TNFRSF19: variants seen among roughly 807,000 people sequenced by gnomAD.
TNFRSF19 encodes the protein TNF receptor superfamily member 19.
A neutral mutation model predicts 46.4 loss-of-function variants in TNFRSF19; 27 were observed. That is an observed-to-expected ratio of 0.58 (90% CI 0.43 to 0.80). The LOEUF is 0.80. Ranked by LOEUF, TNFRSF19 falls within the 30% of genes least tolerant of loss-of-function variation. TNFRSF19 has a pLI of 0.00. For synonymous variants in TNFRSF19, 204 were observed against 205.0 expected (o/e 1.00, Z 0.04); for missense variants, 511 against 530.8 (o/e 0.96, Z 0.37).
intron 5 of TNFRSF19, among the ~76,000 whole-genome samples, chr13:23,632,220 C>T (rs1229591156): frequency 6.6e-6 from 1 of 152,184 alleles, no homozygotes; most frequent in Non-Finnish European, 1.5e-5. Flanking sequence ...GCCAGGGGAT[C>T]ACTGGCACAG....
At chr13:23,613,909 A>G (rs1419588480) in intron 3 of TNFRSF19, among the ~76,000 whole-genome samples, 1 of 152,220 alleles carries the variant, frequency 6.6e-6, no homozygotes, top group Non-Finnish European at 1.5e-5. Context: ...TTGAATATGC[A>G]TCTTTATTGT....
chr13:23,618,030 G>C (rs1487895411), intron 4 of TNFRSF19, among the ~76,000 whole-genome samples: 1 of 152,170 alleles, frequency 6.6e-6, no homozygotes, highest in Non-Finnish European at 1.5e-5. Flanking sequence ...GTAGAAAATA[G>C]ACTAGTGGGT....
chr13:23,589,162 C>T (rs138672730), intron 1 of TNFRSF19, among the ~76,000 whole-genome samples: 9 of 152,138 alleles, frequency 5.9e-5, no homozygotes, highest in African/African-American at 2.2e-4. Context: ...AACAGAACCG[C>T]TGTTTCTCTA....
chr13:23,618,823 G>T (rs1881474217), intron 4 of TNFRSF19, among the ~76,000 whole-genome samples: 1 of 152,150 alleles, frequency 6.6e-6, no homozygotes, highest in African/African-American at 2.4e-5. Context: ...ATATTAAGAG[G>T]TGGGGCCTTT....
At chr13:23,654,487 C>T (rs1037668033) in intron 5 of TNFRSF19, among the ~76,000 whole-genome samples, 4 of 152,138 alleles carry the variant, frequency 2.6e-5, no homozygotes, top group Non-Finnish European at 5.9e-5. Context: ...GGACCCCGAA[C>T]ATCTCTGTGG....
At chr13:23,627,757 G>A (rs1050181372) in intron 5 of TNFRSF19, among the ~76,000 whole-genome samples, 1 of 152,156 alleles carries the variant, frequency 6.6e-6, no homozygotes, top group Non-Finnish European at 1.5e-5. Flanking sequence ...TTTTGCTATG[G>A]TAAAAGTCCC....
chr13:23,575,583 T>A (rs1877901992), intron 1 of TNFRSF19, among the ~76,000 whole-genome samples: 2 of 152,224 alleles, frequency 1.3e-5, no homozygotes, highest in African/African-American at 4.8e-5. Flanking sequence ...CTCCTCCACT[T>A]ATTTTCTTAA....
rs759200699 is a variant in TNFRSF19 at position 23,659,139 on chromosome 13, G to A, written c.535G>A (p.Ala179Thr). 6.2e-7 allele frequency: 1 copy of A among 1,614,114 alleles called. No individual in the cohort carries two copies. The highest frequency in any genetic ancestry group is 2.2e-5 in the East Asian group (1 of 44,888). The part of the protein sequence containing the change: ...ALAAVICSAL[A>T]TVLLALLILC... ...GGCTGCCGTTATCTGCAGCGCTCTG[G>A]CCACCGTCCTGCTGGCCCTGCTCAT... The change falls in exon 6 of 10, where the codon GCC (alanine) becomes ACC (threonine). Residue 179 changes from alanine (A) to threonine (T), a missense_variant. Physicochemically the swap from Ala to Thr is moderately conservative, Grantham distance 58 (BLOSUM62 0). Around this residue, in one of 3 missense-constraint regions of TNFRSF19, gnomAD observed 376 missense variants for 372.7 expected, o/e 1.01. Coordinates refer to ENST00000248484, the MANE Select transcript of TNFRSF19 (RefSeq NM_148957.4). This position sits in a 1 kb window ranked among gnomAD's most constrained non-coding sequence, Gnocchi z 4.9.
intron 5 of TNFRSF19, among the ~76,000 whole-genome samples, chr13:23,648,449 G>A (rs1483790320): frequency 3.3e-5 from 5 of 152,132 alleles, no homozygotes; most frequent in Admixed American, 6.5e-5. Flanking sequence ...ATCCTGCAAT[G>A]TTGCTGAATT....
Position 23,586,245 on chromosome 13 carries a change from G to A in TNFRSF19, c.-34-3905G>A, listed in dbSNP as rs578016859. 8.4e-5 allele frequency among the ~76,000 whole-genome samples: 11 copies of A among 130,914 alleles called. No individual in the cohort carries two copies. In the South Asian group the frequency reaches 1.8e-3, roughly 21 times the overall value. The allele number at this position is 130,914 out of a possible 152,430, so 85.9% of individuals were successfully genotyped here. A position where few individuals can be genotyped will look rare whatever the true frequency, so the allele number is the denominator to read the frequency against. Reference sequence around the variant, plus strand: ...TGCACTCCAGCCTGGGTGACAGAGCGAGACTCCGTCTCAAAAAAAAAAAAA... The same window carrying A: ...TGCACTCCAGCCTGGGTGACAGAGCAAGACTCCGTCTCAAAAAAAAAAAAA... On this transcript the variant is annotated intron_variant, in intron 1 of 9. Coordinates refer to ENST00000248484, the MANE Select transcript of TNFRSF19 (RefSeq NM_148957.4).
intron 9 of TNFRSF19, 50 bp from the exon 10 acceptor site, chr13:23,673,322 T>C (rs1178365135): frequency 2.4e-5 from 38 of 1,573,250 alleles, no homozygotes; most frequent in Non-Finnish European, 3.3e-5. Flanking sequence ...TTTAGCAGAT[T>C]TAACTTGTAA....
chr13:23,594,603 A>G (rs4770465), intron 3 of TNFRSF19, among the ~76,000 whole-genome samples: 45,067 of 152,170 alleles, frequency 0.3, 6,796 homozygotes, highest in South Asian at 0.34. Context: ...AAAGAAAGGC[A>G]GCAGCCCCAG....
intron 4 of TNFRSF19, among the ~76,000 whole-genome samples, chr13:23,617,672 G>C (rs575183361): frequency 1.3e-5 from 2 of 152,344 alleles, no homozygotes; most frequent in East Asian, 1.9e-4. Flanking sequence ...ACCAGAAACT[G>C]CATTGCAGGG....
intron 5 of TNFRSF19, among the ~76,000 whole-genome samples, chr13:23,632,538 C>G (rs898725075): frequency 1.3e-5 from 2 of 152,184 alleles, no homozygotes; most frequent in African/African-American, 4.8e-5. Flanking sequence ...TCCTTCTCCC[C>G]TTCCTTCCAT....
At chr13:23,642,695 G>A (rs866995220) in intron 5 of TNFRSF19, among the ~76,000 whole-genome samples, 2 of 152,182 alleles carry the variant, frequency 1.3e-5, no homozygotes, top group Non-Finnish European at 2.9e-5. Flanking sequence ...ACCAGTGGAG[G>A]GAGGCTCTAT....
intron 5 of TNFRSF19, among the ~76,000 whole-genome samples, chr13:23,629,965 T>C (rs1160311801): frequency 2.0e-5 from 3 of 152,168 alleles, no homozygotes; most frequent in Non-Finnish European, 4.4e-5. Context: ...GGGTGAGCAC[T>C]GAAGGGTACC....
rs113567178 is a variant in TNFRSF19 at position 23,626,448 on chromosome 13, A to G, written c.360-259A>G. 5.4e-3 allele frequency among the ~76,000 whole-genome samples: 826 copies of G among 152,226 alleles called. 10 individuals are homozygous for G. The highest frequency in any genetic ancestry group is 0.019 in the African/African-American group (778 of 41,542). ...AAAAATGCCGAAGACCACTGACTTT[A>G]TATTCCCCCACCTGCACCCCCACCC... On this transcript the variant is annotated intron_variant, in intron 4 of 9. Coordinates refer to ENST00000248484, the MANE Select transcript of TNFRSF19 (RefSeq NM_148957.4).
rs114165086 is a variant in TNFRSF19, at chr13:23,633,377, C to G, written c.445+6585C>G. ...TTCTGGGATTACAGGCATGAGCCACCACACCTGACCATGAAGTCTTTTTCA... is the reference window on the plus strand; with the variant it reads ...TTCTGGGATTACAGGCATGAGCCACGACACCTGACCATGAAGTCTTTTTCA... On this transcript the variant is annotated intron_variant, in intron 5 of 9. Coordinates refer to ENST00000248484, the MANE Select transcript of TNFRSF19 (RefSeq NM_148957.4). Among the ~76,000 whole-genome samples the G allele has an allele frequency of 8.2e-3, 1,256 of 152,322 alleles. 15 individuals are homozygous for G. The highest frequency in any genetic ancestry group is 0.029 in the African/African-American group (1,191 of 41,572).
At chr13:23,583,340 G>A (rs1163152510) in intron 1 of TNFRSF19, among the ~76,000 whole-genome samples, 1 of 151,992 alleles carries the variant, frequency 6.6e-6, no homozygotes, top group Admixed American at 6.6e-5. Context: ...TAACCCTCTA[G>A]GTGAAGAAAA....
Sources: allele counts gnomAD v4.1 joint callset (sites outside exome capture counted in the v4.1 genomes callset), GRCh38; gene constraint gnomAD v4.1.1; regional missense constraint gnomAD v4.1.1; non-coding constraint Gnocchi (gnomAD v3.1); transcripts MANE v1.5; gene names NCBI Gene and HGNC (gene_info 2026-07-23, HGNC 2026-07-21).